TAFA2: variants seen among roughly 807,000 people sequenced by gnomAD.
The protein encoded by TAFA2 is chemokine-like protein TAFA-2.
Under a neutral mutation model 18.8 loss-of-function variants are expected in TAFA2, and 7 were observed. The ratio of observed to expected loss-of-function variants is 0.37; its 90% CI spans 0.21 to 0.70. TAFA2 has a LOEUF of 0.70. Among genes scored for constraint, TAFA2 ranks in the 30% least tolerant of loss-of-function variants. TAFA2 has a pLI of 0.53. For synonymous variants in TAFA2, 60 were observed against 54.2 expected, an observed-to-expected ratio of 1.11 and a Z score of -0.47; for missense variants, 122 against 158.1, an observed-to-expected ratio of 0.77 and a Z score of 1.23.
At chr12:62,055,875 A>G (rs1882175450) in intron 1 of TAFA2, among the ~76,000 whole-genome samples, 1 of 152,216 alleles carries the variant, frequency 6.6e-6, no homozygotes, top group Non-Finnish European at 1.5e-5. Flanking sequence ...ATGTTGGATT[A>G]CAATTAAAAT....
intron 1 of TAFA2, among the ~76,000 whole-genome samples, chr12:62,039,686 G>A (rs1881706684): frequency 6.6e-6 from 1 of 152,152 alleles, no homozygotes; most frequent in South Asian, 2.1e-4. Flanking sequence ...GAAGAGAGAT[G>A]GCTCTTCTAA....
In TAFA2 at chr12:61,927,024, G is replaced by A. The variant is rs1216225099; in HGVS notation, c.-1-59598C>T. ...CAGGGGGCGGAGGTTGCAGTAAGCC[G>A]AGATCGCACCACTATACTCCAACCT... On this transcript the variant is annotated intron_variant, in intron 1 of 4. Coordinates refer to ENST00000416284, the MANE Select transcript of TAFA2 (RefSeq NM_178539.5). Among the ~76,000 whole-genome samples the A allele has an allele frequency of 1.1e-4, 16 of 139,628 alleles. 1 individual carries two copies. In the East Asian group the frequency reaches 1.8e-3, roughly 16 times the overall value. 91.6% of individuals were successfully genotyped at this position (139,628 alleles called of 152,430 possible). A position where few individuals can be genotyped will look rare whatever the true frequency, so the allele number is the denominator to read the frequency against.
chr12:62,252,588 T>C (rs1416933787), intron 1 of TAFA2: 2 of 152,220 alleles, frequency 1.3e-5, no homozygotes, highest in Admixed American at 6.5e-5. Flanking sequence ...TAAATTCTAT[T>C]TGCTGGGAAC....
chr12:62,064,555 T>C (rs1489270759), intron 1 of TAFA2, among the ~76,000 whole-genome samples: 1 of 152,096 alleles, frequency 6.6e-6, no homozygotes, highest in African/African-American at 2.4e-5. Context: ...CTGTTGGACT[T>C]CGGTTTTCAA....
intron 1 of TAFA2, among the ~76,000 whole-genome samples, chr12:62,105,405 G>T (rs553806767): frequency 6.6e-6 from 1 of 152,150 alleles, no homozygotes; most frequent in Admixed American, 6.5e-5. Flanking sequence ...TTTTTAATTT[G>T]TTCAGAAGTA....
At chr12:62,179,317 G>A (rs2062536462) in intron 1 of TAFA2, among the ~76,000 whole-genome samples, 1 of 152,148 alleles carries the variant, frequency 6.6e-6, no homozygotes, top group South Asian at 2.1e-4. Flanking sequence ...TGACCAAGAT[G>A]TGTTCAAGTG....
At chr12:62,136,363 G>A (rs1042061517) in intron 1 of TAFA2, among the ~76,000 whole-genome samples, 7 of 152,050 alleles carry the variant, frequency 4.6e-5, no homozygotes, top group African/African-American at 1.7e-4. Flanking sequence ...GGCAGTTTTT[G>A]TCTTCTTTAT....
In TAFA2 at chr12:62,199,123, C is replaced by T. The variant is rs144016190; in HGVS notation, c.-130+59640G>A. On this transcript the variant is annotated intron_variant, in intron 1 of 5. Coordinates refer to the TAFA2 transcript ENST00000551619. ...AAATCAACTGGCAGTGCATTGCCTC[C>T]GTCATTATCTGACAATTGGCTGATT... is the stretch of plus-strand genomic sequence containing the variant. Among the ~76,000 whole-genome samples, 327 of 152,310 alleles carry T rather than the reference C, an allele frequency of 2.1e-3. 2 individuals are homozygous for T. The highest frequency in any genetic ancestry group is 7.3e-3 in the African/African-American group (304 of 41,564).
intron 1 of TAFA2, among the ~76,000 whole-genome samples, chr12:62,002,737 A>G (rs570892750): frequency 6.6e-5 from 10 of 152,208 alleles, no homozygotes; most frequent in African/African-American, 1.7e-4. Flanking sequence ...CTCTCTTCCA[A>G]TAATCATATC....
chr12:61,924,502 A>C (rs2121374016), intron 1 of TAFA2, among the ~76,000 whole-genome samples: 1 of 152,300 alleles, frequency 6.6e-6, no homozygotes, highest in East Asian at 1.9e-4. Flanking sequence ...CTTCATAAGC[A>C]AAAGAGAAAT....
At chr12:61,868,865 T>TA (rs1874469268) in intron 1 of TAFA2, among the ~76,000 whole-genome samples, 1 of 152,124 alleles carries the variant, frequency 6.6e-6, no homozygotes, top group South Asian at 2.1e-4. Context: ...TGGCTTCTAA[T>TA]TATTTGGCCT....
intron 1 of TAFA2, among the ~76,000 whole-genome samples, chr12:62,237,689 G>C (rs532000344): frequency 1.3e-5 from 2 of 152,208 alleles, no homozygotes; most frequent in Admixed American, 1.3e-4. Context: ...TGTTTACCTA[G>C]AGATTCTTTG....
intron 2 of TAFA2, among the ~76,000 whole-genome samples, chr12:61,860,627 A>G (rs1874087719): frequency 6.6e-6 from 1 of 152,022 alleles, no homozygotes; most frequent in Non-Finnish European, 1.5e-5. Context: ...TCTGCTCTCC[A>G]GTCACAGCAA....
intron 1 of TAFA2, among the ~76,000 whole-genome samples, chr12:62,020,392 T>G (rs1274784044): frequency 1.3e-5 from 2 of 152,066 alleles, no homozygotes; most frequent in Non-Finnish European, 2.9e-5. Flanking sequence ...AGTTTTGAGC[T>G]GAATATCAGG....
intron 2 of TAFA2, among the ~76,000 whole-genome samples, chr12:61,822,019 A>G (rs910916640): frequency 2.0e-5 from 3 of 152,168 alleles, no homozygotes; most frequent in African/African-American, 4.8e-5. Context: ...CAATTATAAT[A>G]TAAAGCCAGA....
intron 1 of TAFA2, among the ~76,000 whole-genome samples, chr12:61,899,216 G>C (rs982979159): frequency 6.6e-6 from 1 of 152,122 alleles, no homozygotes; most frequent in East Asian, 1.9e-4. Flanking sequence ...CCCCCAAACT[G>C]TTCCAACCTC....
intron 1 of TAFA2, among the ~76,000 whole-genome samples, chr12:62,055,510 G>A (rs1453696553): frequency 1.3e-5 from 2 of 152,026 alleles, no homozygotes; most frequent in Non-Finnish European, 1.5e-5. Context: ...ATGATTATGT[G>A]TTATGCAGGT....
At chr12:62,190,161 G>C (rs1195464392) in intron 1 of TAFA2, among the ~76,000 whole-genome samples, 1 of 151,942 alleles carries the variant, frequency 6.6e-6, no homozygotes, top group Non-Finnish European at 1.5e-5. Flanking sequence ...GATTCCAAAC[G>C]CTTCAGGCAA....
At chr12:61,878,924 A>G (rs1380896594) in intron 1 of TAFA2, among the ~76,000 whole-genome samples, 3 of 152,180 alleles carry the variant, frequency 2.0e-5, no homozygotes, top group African/African-American at 7.2e-5. Flanking sequence ...GGCAGATGGA[A>G]TCACCCCTCT....
Sources: allele counts gnomAD v4.1 joint callset (sites outside exome capture counted in the v4.1 genomes callset), GRCh38; gene constraint gnomAD v4.1.1; transcripts MANE v1.5; gene names NCBI Gene and HGNC (gene_info 2026-07-23, HGNC 2026-07-21).